Variants in SCAP observed in about 807,000 individuals in gnomAD.
SCAP encodes SREBF chaperone.
A neutral mutation model predicts 123.6 loss-of-function variants in SCAP; 65 were observed. That is an observed-to-expected ratio of 0.53 (90% CI 0.43 to 0.65). SCAP has a LOEUF of 0.65. SCAP is among the 30% of genes least tolerant of loss of function. The pLI is 0.00. For missense variants in SCAP, 1,398 were observed against 1,712.5 expected (o/e 0.82, Z 3.24); for synonymous variants, 740 against 726.3 (o/e 1.02, Z -0.30).
intron 1 of SCAP, among the ~76,000 whole-genome samples, chr3:47,464,576 A>G (rs973146078): frequency 6.6e-6 from 1 of 152,206 alleles, no homozygotes; most frequent in African/African-American, 2.4e-5. Flanking sequence ...ATTAAAAAAT[A>G]CTCAATGAAA....
intron 1 of SCAP, among the ~76,000 whole-genome samples, chr3:47,457,706 G>T (rs1707480732): frequency 6.6e-6 from 1 of 151,364 alleles, no homozygotes; most frequent in Non-Finnish European, 1.5e-5. Context: ...AGGAGATCGA[G>T]ACCATCCTGG....
chr3:47,426,053 A>G lies in SCAP; in HGVS notation c.854T>C (p.Leu285Pro). The change falls in exon 7 of 23, where the codon CTC becomes CCC. Residue 285 changes from leucine to proline, a missense_variant. Coordinates refer to ENST00000265565, the MANE Select transcript of SCAP (RefSeq NM_012235.4). Reference sequence around the variant, plus strand: ...GATGTAGGTGGTCACAAGGGGGATGAGCTCAGCGACACCAATCTCCTCCTT... The same window carrying G: ...GATGTAGGTGGTCACAAGGGGGATGGGCTCAGCGACACCAATCTCCTCCTT... ...HFKEEIGVAELIPLVTTYIIL... is the reference protein window; with the variant it reads ...HFKEEIGVAEPIPLVTTYIIL... 1 of 1,614,176 alleles carries G rather than the reference A, an allele frequency of 6.2e-7. No individual in the cohort carries two copies. The highest frequency in any genetic ancestry group is 8.5e-7 in the Non-Finnish European group (1 of 1,180,014).
In SCAP at chr3:47,418,152, G is replaced by C. The variant is rs759168890; in HGVS notation, c.2429C>G (p.Thr810Arg). Residue 810 changes from threonine (T) to arginine (R), a missense_variant, in exon 16 of 23, where the codon ACG becomes AGG. By Grantham distance (71) the Thr-to-Arg change is moderately conservative. This residue lies in a region of SCAP where 828 missense variants were observed against 882.5 expected (regional missense o/e 0.94). Coordinates refer to ENST00000265565, the MANE Select transcript of SCAP (RefSeq NM_012235.4). Reference sequence around the variant, plus strand: ...CACCTACCCTGGGCGCGGAATGCGCGTTAGGCAATCCCCGGTCTGCGCGTC... The same window carrying C: ...CACCTACCCTGGGCGCGGAATGCGCCTTAGGCAATCCCCGGTCTGCGCGTC... ...VWDAQTGDCL[T>R]RIPRPGRQRR... 2 of 1,567,462 alleles carry C rather than the reference G, an allele frequency of 1.3e-6. No individual in the cohort carries two copies. Among genetic ancestry groups the C allele is most frequent in the Middle Eastern group, 1.7e-4 (1 of 5,840 alleles).
At position 47,439,742 on chromosome 3, in the gene SCAP, C is replaced by G. The variant is rs532243632; in HGVS notation, c.122+3130G>C. On this transcript the variant is annotated intron_variant, in intron 2 of 22. Coordinates refer to ENST00000265565, the MANE Select transcript of SCAP (RefSeq NM_012235.4). This position sits in a 1 kb window ranked among gnomAD's most constrained non-coding sequence, Gnocchi z 4.0. ...TTGCTACACATTTCATCAGATTTTCCCAGAGGAAAGAACAGTCACTGCACC... is the reference window on the plus strand; with the variant it reads ...TTGCTACACATTTCATCAGATTTTCGCAGAGGAAAGAACAGTCACTGCACC... Among the ~76,000 whole-genome samples, 21 of 152,238 alleles carry G rather than the reference C, an allele frequency of 1.4e-4. No individual in the cohort carries two copies. The highest frequency in any genetic ancestry group is 4.4e-5 in the Non-Finnish European group (3 of 68,020).
At chr3:47,457,213 C>T (rs1368684223) in intron 1 of SCAP, among the ~76,000 whole-genome samples, 1 of 152,112 alleles carries the variant, frequency 6.6e-6, no homozygotes, top group Non-Finnish European at 1.5e-5. Context: ...ATCTGGTAGC[C>T]AGGTGCAAGA....
chr3:47,470,891 T>A (rs1161242099), intron 1 of SCAP, among the ~76,000 whole-genome samples: 1 of 151,890 alleles, frequency 6.6e-6, no homozygotes, highest in Admixed American at 6.6e-5. Flanking sequence ...CCTTACCAGT[T>A]CCCCAGCATA....
Position 47,420,713 on chromosome 3 carries a change from C to T in SCAP, c.1404G>A (p.Val468=), listed in dbSNP as rs1185178519. ...PEACLPSAKP[V]GQPTRYERQL... ...GCCGCTCGTAGCGCGTTGGCTGTCC[C>T]ACTGGCTTGGCTGAGGGCAGGCAGG... The change falls in exon 12 of 23, where the codon GTG becomes GTA. Residue 468 remains valine, a synonymous_variant. Transcript: ENST00000265565. The surrounding 1 kb of genome is among the most constrained non-coding windows in gnomAD (Gnocchi z 5.0). The T allele has an allele frequency of 1.2e-6, 2 of 1,611,426 alleles. No individual in the cohort carries two copies. Among genetic ancestry groups the T allele is most frequent in the Admixed American group, 3.3e-5 (2 of 60,010 alleles).
chr3:47,433,393 C>T (rs1051595303), intron 3 of SCAP, among the ~76,000 whole-genome samples: 3 of 152,120 alleles, frequency 2.0e-5, no homozygotes, highest in Non-Finnish European at 4.4e-5. Flanking sequence ...TCCTGATTCC[C>T]GAGCCCTCTA....
At chr3:47,456,057 C>A (rs1370725579) in intron 1 of SCAP, among the ~76,000 whole-genome samples, 1 of 152,068 alleles carries the variant, frequency 6.6e-6, no homozygotes, top group Non-Finnish European at 1.5e-5. Flanking sequence ...AAAGGTGTTG[C>A]AACAAATGGG....
At chr3:47,432,354 AAAG>A (rs1427983149) in intron 3 of SCAP, among the ~76,000 whole-genome samples, 1 of 151,706 alleles carries the variant, frequency 6.6e-6, no homozygotes, top group East Asian at 1.9e-4. Context: ...GGAAAAAAAA[AAAG>A]AAAAAAAAAT....
rs1160532404 is a variant in SCAP, at chr3:47,418,324, G to C, written c.2328C>G (p.Leu776=). 1 of 1,561,072 alleles carries C rather than the reference G, an allele frequency of 6.4e-7. No individual in the cohort carries two copies. The highest frequency in any genetic ancestry group is 1.2e-5 in the South Asian group (1 of 85,076). ...EIVPLVLRGH[L]MDIECLASDG... The stretch of plus-strand genomic sequence containing the variant: ...CGGCCACTGTGCCCCTGCTCACCAT[G>C]AGGTGGCCGCGCAGCACAAGCGGCA... The change falls in exon 15 of 23, where the codon CTC becomes CTG. Residue 776 remains leucine (L), a synonymous_variant. Coordinates refer to ENST00000265565, the MANE Select transcript of SCAP (RefSeq NM_012235.4).
intron 2 of SCAP, among the ~76,000 whole-genome samples, chr3:47,441,623 C>G (rs1408492192): frequency 1.3e-5 from 2 of 152,088 alleles, no homozygotes; most frequent in African/African-American, 4.8e-5. Flanking sequence ...AGTTTAAACA[C>G]CAATACAAAC....
At chr3:47,417,965 GGA>G (rs1705696350) in intron 16 of SCAP, 139 bp from the exon 17 acceptor site, 16 of 502,670 alleles carry the variant, frequency 3.2e-5, no homozygotes, top group African/African-American at 5.7e-5. Flanking sequence ...TGCGGGGTGG[GGA>G]GAGGGGGGTA....
intron 1 of SCAP, among the ~76,000 whole-genome samples, chr3:47,443,957 G>C (rs528514121): frequency 1.2e-4 from 18 of 152,268 alleles, no homozygotes; most frequent in African/African-American, 3.6e-4. Flanking sequence ...ATCCCACAGA[G>C]GTTCCTGCTC....
Position 47,473,436 on chromosome 3 carries a change from G to C in SCAP, c.-99+2363C>G, listed in dbSNP as rs563054053. The stretch of plus-strand genomic sequence containing the variant: ...ACTCAGTAAGGTAGCAAGTTCTAAC[G>C]GAAGGAGCTCAGGTGGCAGAGGTGT... On this transcript the variant is annotated intron_variant, in intron 1 of 22. Transcript: ENST00000265565. Among the ~76,000 whole-genome samples the C allele has an allele frequency of 4.6e-5, 7 of 152,256 alleles. 1 individual carries two copies. In the South Asian group the frequency reaches 1.2e-3, roughly 27 times the overall value.
Position 47,427,649 on chromosome 3 carries a change from C to T in SCAP, c.429G>A (p.Leu143=). 6.2e-7 allele frequency: 1 copy of T among 1,614,074 alleles called. No homozygotes were observed. The highest frequency in any genetic ancestry group is 8.5e-7 in the Non-Finnish European group (1 of 1,180,008). The stretch of plus-strand genomic sequence containing the variant: ...CGGTCACTTGCAGACACAACTCCTC[C>T]AAGCTCCTGATCCCAGAGCTGCACA... ...VLRDSSGIRS[L]EELCLQVTDL... Residue 143 remains leucine (L), a synonymous_variant, in exon 5 of 23, where the codon TTG becomes TTA. Coordinates refer to ENST00000265565, the MANE Select transcript of SCAP (RefSeq NM_012235.4).
intron 18 of SCAP, among the ~76,000 whole-genome samples, chr3:47,416,325 C>T (rs1246585356): frequency 1.3e-5 from 2 of 152,186 alleles, no homozygotes; most frequent in African/African-American, 4.8e-5. Flanking sequence ...GTACTGGGGA[C>T]GCCCACAGCC....
intron 1 of SCAP, among the ~76,000 whole-genome samples, chr3:47,454,402 T>C (rs889720447): frequency 2.0e-5 from 3 of 151,394 alleles, no homozygotes; most frequent in African/African-American, 7.3e-5. Context: ...TTAGTAGATA[T>C]GTGTACGTTG....
At chr3:47,468,184 G>A (rs1016781088) in intron 1 of SCAP, among the ~76,000 whole-genome samples, 2 of 152,134 alleles carry the variant, frequency 1.3e-5, no homozygotes, top group Non-Finnish European at 2.9e-5. Context: ...AAACATACGT[G>A]TGCATGTGCC....
Sources: gnomAD v4.1 joint callset for allele counts (sites outside exome capture counted in the v4.1 genomes callset) on GRCh38, gnomAD v4.1.1 for gene constraint, gnomAD v4.1.1 regional missense constraint, Gnocchi (gnomAD v3.1) non-coding constraint, MANE v1.5 for transcripts, NCBI Gene and HGNC (gene_info 2026-07-23, HGNC 2026-07-21) for gene names.